Variants in STEEP1 observed in about 807,000 individuals in gnomAD.
STEEP1 encodes the protein STING ER exit protein.
STEEP1 carries 3 observed loss-of-function variants against 19.2 expected under a neutral mutation model. That is an observed-to-expected ratio of 0.16 (90% CI 0.07 to 0.40). The LOEUF (loss-of-function observed/expected upper bound fraction) is 0.40. Ranked by LOEUF, STEEP1 falls within the 10% of genes least tolerant of loss-of-function variation. The pLI is 0.99. For missense variants in STEEP1, 54 were observed against 177.1 expected, an observed-to-expected ratio of 0.30 and a Z score of 3.94; for synonymous variants, 46 against 63.7, an observed-to-expected ratio of 0.72 and a Z score of 1.32.
intron 2 of STEEP1, among the ~76,000 whole-genome samples, chrX:119,559,841 G>A (rs1486725021): frequency 8.9e-6 from 1 of 111,760 alleles, no homozygotes; most frequent in East Asian, 2.8e-4. Context: ...TTGAGGCCAG[G>A]AGTTCAAGAC....
At chrX:119,539,852 C>G (rs368172135) in intron 6 of STEEP1, 63 bp from the exon 7 acceptor site, 40 of 886,295 alleles carry the variant, frequency 4.5e-5, no homozygotes, top group Non-Finnish European at 5.2e-5. Context: ...CTTCCTTATT[C>G]TAACCAACCC....
At chrX:119,559,684 T>A (rs1215759318) in intron 2 of STEEP1, among the ~76,000 whole-genome samples, 3 of 111,763 alleles carry the variant, frequency 2.7e-5, no homozygotes, top group African/African-American at 9.7e-5. Context: ...GCACACGGTA[T>A]GCTCCACAAG....
intron 4 of STEEP1, 147 bp downstream of exon 4, chrX:119,544,204 AAG>A (rs1219542195): frequency 1.1e-5 from 5 of 442,860 alleles, no homozygotes; most frequent in Non-Finnish European, 1.1e-5. Context: ...ATAAAGAAAA[AAG>A]AAATAAAATA....
At chrX:119,553,879 A>T (rs562679378) in intron 2 of STEEP1, among the ~76,000 whole-genome samples, 10 of 112,293 alleles carry the variant, frequency 8.9e-5, no homozygotes, top group African/African-American at 3.2e-4. Context: ...AGTTTATAAA[A>T]ATGTATCTAT....
At chrX:119,555,882 C>T (rs1189110767) in intron 2 of STEEP1, among the ~76,000 whole-genome samples, 1 of 111,495 alleles carries the variant, frequency 9.0e-6, no homozygotes, top group Non-Finnish European at 1.9e-5. Context: ...TGCATGAATC[C>T]TGGTGTCATC....
chrX:119,543,198 T>A (rs1340656616), intron 4 of STEEP1, among the ~76,000 whole-genome samples: 1 of 107,829 alleles, frequency 9.3e-6, no homozygotes, highest in African/African-American at 3.4e-5. Flanking sequence ...TAATTACTTT[T>A]TTTTTTTTGA....
At position 119,538,156 on chromosome X, in the gene STEEP1, C is replaced by A; in HGVS notation, c.*1571G>T. 1 of 132,081 alleles carries A rather than the reference C, an allele frequency of 7.6e-6. No individual in the cohort carries two copies. The highest frequency in any genetic ancestry group is 1.4e-5 in the Non-Finnish European group (1 of 70,446). The allele number at this position is 132,081 out of a possible 1,213,427, so 10.9% of individuals were successfully genotyped here. A position where few individuals can be genotyped will look rare whatever the true frequency, so the allele number is the denominator to read the frequency against. On this transcript the variant is annotated 3_prime_UTR_variant, in exon 7 of 7. Transcript: ENST00000644802. Reference sequence around the variant, plus strand: ...CAAGAAGGTTAACACAACTCCTGTCCCAACACCTTTTAATACAGTTGAATG... The same window carrying A: ...CAAGAAGGTTAACACAACTCCTGTCACAACACCTTTTAATACAGTTGAATG...
Position 119,538,760 on chromosome X carries a change from C to T in STEEP1, c.*967G>A, listed in dbSNP as rs1304063269. 9.0e-6 allele frequency: 1 copy of T among 111,521 alleles called. No homozygotes were observed. The highest frequency in any genetic ancestry group is 9.6e-5 in the Admixed American group (1 of 10,430). The allele number at this position is 111,521 out of a possible 1,213,427, so 9.2% of individuals were successfully genotyped here. On this transcript the variant is annotated 3_prime_UTR_variant, in exon 7 of 7. Transcript: ENST00000644802. ...CACCCTTGGGTTACTTGAGACCCTA[C>T]TTTCATTTGGATCTGAGCTGTCCTA...
At chrX:119,553,633 G>A (rs1234677538) in intron 2 of STEEP1, among the ~76,000 whole-genome samples, 1 of 110,835 alleles carries the variant, frequency 9.0e-6, no homozygotes, top group East Asian at 2.8e-4. Flanking sequence ...CACTGGACCA[G>A]GGCACTAATA....
intron 2 of STEEP1, among the ~76,000 whole-genome samples, chrX:119,554,349 G>C (rs1340571237): frequency 9.0e-6 from 1 of 111,573 alleles, no homozygotes; most frequent in Non-Finnish European, 1.9e-5. Flanking sequence ...GGAAGCTGAG[G>C]CAGGAGAATC....
chrX:119,545,076 G>A (rs1049306459), intron 3 of STEEP1, among the ~76,000 whole-genome samples: 1 of 111,021 alleles, frequency 9.0e-6, no homozygotes, highest in African/African-American at 3.3e-5. Context: ...AATGGGGGTC[G>A]GACGAGGTGG....
chrX:119,551,238 T>C (rs2053239610), intron 2 of STEEP1, among the ~76,000 whole-genome samples: 1 of 110,480 alleles, frequency 9.1e-6, no homozygotes, highest in Non-Finnish European at 1.9e-5. Flanking sequence ...CCCAGCACTC[T>C]GGGAGGCCAA....
Position 119,539,549 on chromosome X carries a change from AAG to A in STEEP1, c.*176_*177del. On this transcript the variant is annotated 3_prime_UTR_variant, in exon 7 of 7. Transcript: ENST00000644802. ...TTATCTCAAAAAAAAAAAAAAAAAA[AAG>A]AAAGCAAGTTAAATGGACTCAGTTA... The A allele has an allele frequency of 2.9e-6, 1 of 345,430 alleles. No individual in the cohort carries two copies. The highest frequency in any genetic ancestry group is 5.0e-6 in the Non-Finnish European group (1 of 199,375). The allele number at this position is 345,430 out of a possible 1,213,427, so 28.5% of individuals were successfully genotyped here.
At chrX:119,543,781 T>A (rs185524744) in intron 4 of STEEP1, among the ~76,000 whole-genome samples, 1 of 111,983 alleles carries the variant, frequency 8.9e-6, no homozygotes, top group East Asian at 2.8e-4. Context: ...CATGCCCAGC[T>A]TGGAATATAT....
intron 2 of STEEP1, among the ~76,000 whole-genome samples, chrX:119,555,280 G>C (rs2053271403): frequency 9.1e-6 from 1 of 109,681 alleles, no homozygotes; most frequent in Non-Finnish European, 1.9e-5. Context: ...GAGAGTACCA[G>C]AAGATGAAGA....
intron 2 of STEEP1, among the ~76,000 whole-genome samples, chrX:119,555,750 G>C (rs906673687): frequency 2.7e-5 from 3 of 110,989 alleles, no homozygotes; most frequent in African/African-American, 9.8e-5. Flanking sequence ...CCACAAAAGA[G>C]ATTAGAAGGC....
chrX:119,557,803 C>G (rs1406899888), intron 2 of STEEP1, among the ~76,000 whole-genome samples: 1 of 112,040 alleles, frequency 8.9e-6, no homozygotes, highest in Non-Finnish European at 1.9e-5. Flanking sequence ...CCCCTACAAT[C>G]TTGAGAGAGA....
In STEEP1 at chrX:119,548,470, G is replaced by C. The variant is rs371298810; in HGVS notation, c.243-2966C>G. Among the ~76,000 whole-genome samples the C allele has an allele frequency of 8.6e-4, 87 of 100,605 alleles. 2 individuals are homozygous for C. In the South Asian group the frequency reaches 0.041, roughly 47 times the overall value. The allele number at this position is 100,605 out of a possible 115,157, so 87.4% of individuals were successfully genotyped here. Reference sequence around the variant, plus strand: ...AATCACTTGAACCCGGGAGGTAGAGGTTGCAGTGAACCGAGATTGCACCAC... The same window carrying C: ...AATCACTTGAACCCGGGAGGTAGAGCTTGCAGTGAACCGAGATTGCACCAC... On this transcript the variant is annotated intron_variant, in intron 2 of 6. Transcript: ENST00000644802.
At chrX:119,557,997 TC>T in intron 2 of STEEP1, among the ~76,000 whole-genome samples, 1 of 110,768 alleles carries the variant, frequency 9.0e-6, no homozygotes, top group Non-Finnish European at 1.9e-5. Flanking sequence ...AACCTCTGCC[TC>T]CCCATACAAG....
Sources: gnomAD v4.1 joint callset for allele counts (sites outside exome capture counted in the v4.1 genomes callset) on GRCh38, gnomAD v4.1.1 for gene constraint, MANE v1.5 for transcripts, NCBI Gene and HGNC (gene_info 2026-07-23, HGNC 2026-07-21) for gene names.